NHSL1: variants seen among roughly 807,000 people sequenced by gnomAD.
The protein encoded by NHSL1 is NHS like 1, also known as NHS-like protein 1.
In NHSL1, 48 loss-of-function variants were observed where a neutral mutation model predicts 95.0. The ratio of observed to expected loss-of-function variants is 0.51; its 90% confidence interval spans 0.40 to 0.64. NHSL1 has a LOEUF of 0.64. Ranked by LOEUF, NHSL1 falls within the 30% of genes least tolerant of loss-of-function variation. NHSL1 has a pLI of 0.00. For missense variants in NHSL1, 1,971 were observed against 2,077.7 expected (o/e 0.95, Z 1.00); for synonymous variants, 783 against 833.9 (o/e 0.94, Z 1.05).
chr6:138,437,381 T>C (rs1776220362), intron 5 of NHSL1, among the ~76,000 whole-genome samples: 1 of 111,212 alleles, frequency 9.0e-6, no homozygotes, highest in East Asian at 2.4e-4. Context: ...TACACATATA[T>C]ATATACACAT....
chr6:138,461,156 T>G (rs73573247), intron 3 of NHSL1, among the ~76,000 whole-genome samples: 31,734 of 137,708 alleles, frequency 0.23, 3,562 homozygotes, highest in Admixed American at 0.28. Flanking sequence ...AAGAAGGAAG[T>G]TTTTTTTTTG....
At chr6:138,500,153 T>G (rs1426804948), upstream of NHSL1, among the ~76,000 whole-genome samples, 1 of 152,098 alleles carries the variant, frequency 6.6e-6, no homozygotes, top group Non-Finnish European at 1.5e-5. Flanking sequence ...AGTACCCTAA[T>G]CATTTTAATC....
At chr6:138,571,278 TAGA>T (rs1489174873) in intron 1 of NHSL1, among the ~76,000 whole-genome samples, 16 of 152,088 alleles carry the variant, frequency 1.1e-4, no homozygotes, top group Admixed American at 4.6e-4. Flanking sequence ...TCCTCAATCT[TAGA>T]AGAAGGATGC....
At chr6:138,561,646 C>T (rs2114298295) in intron 1 of NHSL1, among the ~76,000 whole-genome samples, 1 of 152,296 alleles carries the variant, frequency 6.6e-6, no homozygotes, top group African/African-American at 2.4e-5. Context: ...GTATGCAGCA[C>T]TAGGGGCTCT....
intron 1 of NHSL1, among the ~76,000 whole-genome samples, chr6:138,505,328 G>A (rs765714559): frequency 1.3e-4 from 20 of 152,108 alleles, no homozygotes; most frequent in Non-Finnish European, 2.8e-4. Context: ...TACGCATTTC[G>A]AATTAGATAA....
In NHSL1 at chr6:138,482,433, G is replaced by A. The variant is rs182892227; in HGVS notation, c.212-9000C>T. ...TGCACTCCAGCCTGGGTGACAGAGC[G>A]AGACTCCGTCTCAAAAAAAAAAAAA... On this transcript the variant is annotated intron_variant, in intron 2 of 7. Coordinates refer to ENST00000343505, the MANE Select transcript of NHSL1 (RefSeq NM_001144060.2). Among the ~76,000 whole-genome samples, 567 of 135,866 alleles carry A rather than the reference G, an allele frequency of 4.2e-3. 6 individuals carry two copies. The highest frequency in any genetic ancestry group is 0.019 in the Admixed American group (238 of 12,790). The allele number at this position is 135,866 out of a possible 152,430, so 89.1% of individuals were successfully genotyped here. A position where few individuals can be genotyped will look rare whatever the true frequency, so the allele number is the denominator to read the frequency against.
At chr6:138,493,654 A>G (rs1780197200) in intron 2 of NHSL1, among the ~76,000 whole-genome samples, 1 of 152,234 alleles carries the variant, frequency 6.6e-6, no homozygotes, top group Admixed American at 6.5e-5. Context: ...CTAATGAGGC[A>G]CTGCCTCGGG....
intron 1 of NHSL1, among the ~76,000 whole-genome samples, chr6:138,614,300 T>C (rs1784551033): frequency 6.6e-6 from 1 of 152,174 alleles, no homozygotes; most frequent in African/African-American, 2.4e-5. Flanking sequence ...AGGCAGCCAC[T>C]TGTGACTGTG....
chr6:138,451,277 GC>G (rs969852304), intron 3 of NHSL1, among the ~76,000 whole-genome samples: 1 of 152,108 alleles, frequency 6.6e-6, no homozygotes, highest in Admixed American at 6.6e-5. Flanking sequence ...TGTTCCCATG[GC>G]CTGAAATGCT....
At chr6:138,691,678 T>G (rs1316763296) in intron 1 of NHSL1, 1 of 335,668 alleles carries the variant, frequency 3.0e-6, no homozygotes, top group Non-Finnish European at 5.9e-6. Context: ...ACACTGAAAG[T>G]TTCTCTGCTT....
At chr6:138,571,863 C>A (rs1783853136) in exon 1 of NHSL1, 5 of 1,551,734 alleles carry the variant, frequency 3.2e-6, no homozygotes, top group Non-Finnish European at 4.4e-6. Flanking sequence ...GAGAGAGAAC[C>A]TGTATTCGGC....
chr6:138,687,338 G>C (rs1785597580), intron 1 of NHSL1, among the ~76,000 whole-genome samples: 1 of 151,870 alleles, frequency 6.6e-6, no homozygotes, highest in Admixed American at 6.6e-5. Flanking sequence ...TTAGAACTCT[G>C]ACAAGTGCCT....
Position 138,431,352 on chromosome 6 carries a change from C to A in NHSL1, c.2993G>T (p.Ser998Ile), listed in dbSNP as rs770920725. Reference protein sequence around the residue: ...WCLSPPRPALSPILPDSPVSL... With the variant: ...WCLSPPRPALIPILPDSPVSL... ...CACAGGTGAATCTGGAAGAATGGGGCTCAGTGCAGGGCGGGGAGGAGAAAG... is the reference window on the plus strand; with the variant it reads ...CACAGGTGAATCTGGAAGAATGGGGATCAGTGCAGGGCGGGGAGGAGAAAG... Residue 998 changes from serine to isoleucine, a missense_variant, in exon 6 of 8, where the codon AGC becomes ATC. Physicochemically the swap from Ser to Ile is moderately radical, Grantham distance 142. This residue lies in a region of NHSL1 where 1,602 missense variants were observed against 1,654.5 expected (regional missense o/e 0.97). Transcript: ENST00000343505. The surrounding 1 kb of genome is among the most constrained non-coding windows in gnomAD (Gnocchi z 4.0). 9.1e-6 allele frequency: 14 copies of A among 1,535,126 alleles called. No homozygotes were observed. The highest frequency in any genetic ancestry group is 6.1e-5 in the Admixed American group (3 of 49,388).
chr6:138,560,519 G>A (rs1011493734), intron 1 of NHSL1, among the ~76,000 whole-genome samples: 2 of 152,230 alleles, frequency 1.3e-5, no homozygotes, highest in Middle Eastern at 3.2e-3. Context: ...TGGGAATAGA[G>A]TGTGTTGAAG....
chr6:138,462,052 T>C (rs1778031789), intron 3 of NHSL1, among the ~76,000 whole-genome samples: 1 of 152,124 alleles, frequency 6.6e-6, no homozygotes. Context: ...TGTAAGAAGT[T>C]TGATGGGTTT....
At chr6:138,601,899 G>C (rs1230908366) in intron 1 of NHSL1, among the ~76,000 whole-genome samples, 1 of 151,964 alleles carries the variant, frequency 6.6e-6, no homozygotes, top group Non-Finnish European at 1.5e-5. Context: ...AAAAACTAAG[G>C]CTAAAGAATA....
At position 138,432,656 on chromosome 6, in the gene NHSL1, T is replaced by C. The variant is rs1376992262; in HGVS notation, c.1689A>G (p.Ala563=). Residue 563 remains alanine, a synonymous_variant, in exon 6 of 8, where the codon GCA becomes GCG. Transcript: ENST00000343505. This position sits in a 1 kb window ranked among gnomAD's most constrained non-coding sequence, Gnocchi z 4.4. ...TTGCTAAATGCGGCTTCAGGGGGGA[T>C]GCCCTTCCATTACCTGAGGATTTGT... ...WEYKSSGNGR[A]SPLKPHLATP... is the part of the protein sequence containing the mutation. 25 of 1,551,620 alleles carry C rather than the reference T, an allele frequency of 1.6e-5. No homozygotes were observed. Among genetic ancestry groups the C allele is most frequent in the Admixed American group, 3.9e-5 (2 of 50,984 alleles).
In NHSL1 at chr6:138,432,431, A is replaced by G. The variant is rs756928223; in HGVS notation, c.1914T>C (p.Asn638=). The G allele has an allele frequency of 6.4e-7, 1 of 1,552,402 alleles. No homozygotes were observed. Among genetic ancestry groups the G allele is most frequent in the South Asian group, 1.2e-5 (1 of 84,058 alleles). Residue 638 remains asparagine (N), a synonymous_variant, in exon 6 of 8, where the codon AAT becomes AAC. Coordinates refer to ENST00000343505, the MANE Select transcript of NHSL1 (RefSeq NM_001144060.2). The surrounding 1 kb of genome is among the most constrained non-coding windows in gnomAD (Gnocchi z 4.4). The part of the protein sequence containing the change: ...GFGNPRHSVI[N]VFVGRAQKNQ... ...TTTTCTGAGCTCTTCCAACAAAAAC[A>G]TTGATCACGCTGTGCCTGGGGTTCC... is the stretch of plus-strand genomic sequence containing the variant.
At chr6:138,587,354 G>A (rs1000002182) in intron 1 of NHSL1, among the ~76,000 whole-genome samples, 2 of 151,486 alleles carry the variant, frequency 1.3e-5, no homozygotes, top group African/African-American at 4.8e-5. Context: ...AGCTGAAGTG[G>A]GTGGATCACC....
Sources: gnomAD v4.1 joint callset for allele counts (sites outside exome capture counted in the v4.1 genomes callset) on GRCh38, gnomAD v4.1.1 for gene constraint, gnomAD v4.1.1 regional missense constraint, Gnocchi (gnomAD v3.1) non-coding constraint, MANE v1.5 for transcripts, NCBI Gene and HGNC (gene_info 2026-07-23, HGNC 2026-07-21) for gene names.